HMBOX1: variants seen among roughly 807,000 people sequenced by gnomAD.
HMBOX1 encodes the protein homeobox-containing protein 1.
HMBOX1 carries 14 observed loss-of-function variants against 54.5 expected under a neutral mutation model. That is an observed-to-expected ratio of 0.26 (90% confidence interval 0.17 to 0.40). The LOEUF is 0.40. Among genes scored for constraint, HMBOX1 ranks in the 10% least tolerant of loss-of-function variants. The pLI is 1.00. For missense variants in HMBOX1, 332 were observed against 514.4 expected (o/e 0.65, Z 3.43); for synonymous variants, 160 against 181.0 (o/e 0.88, Z 0.93).
At chr8:28,924,450 A>AT (rs201997388) in intron 1 of HMBOX1, among the ~76,000 whole-genome samples, 2,280 of 127,850 alleles carry the variant, frequency 0.018, 28 homozygotes, top group African/African-American at 0.043. Context: ...AATTTATCTA[A>AT]TTTTTTTTTT....
chr8:28,956,856 AAAG>A (rs1824545625), intron 1 of HMBOX1, among the ~76,000 whole-genome samples: 1 of 152,238 alleles, frequency 6.6e-6, no homozygotes, highest in African/African-American at 2.4e-5. Flanking sequence ...ACACTTCTCA[AAAG>A]AAGACTTACA....
At chr8:28,922,099 T>C (rs1340427740) in intron 1 of HMBOX1, among the ~76,000 whole-genome samples, 5 of 152,244 alleles carry the variant, frequency 3.3e-5, no homozygotes, top group Admixed American at 1.3e-4. Context: ...CATGGATTTA[T>C]GCAGCTATGG....
intron 1 of HMBOX1, among the ~76,000 whole-genome samples, chr8:28,934,651 C>A (rs560829022): frequency 6.6e-6 from 1 of 152,128 alleles, no homozygotes; most frequent in Admixed American, 6.5e-5. Flanking sequence ...ATTGGCCGGG[C>A]GCGGTGGCTC....
At chr8:28,980,553 A>G (rs1394947444) in intron 4 of HMBOX1, among the ~76,000 whole-genome samples, 2 of 152,164 alleles carry the variant, frequency 1.3e-5, no homozygotes, top group Non-Finnish European at 2.9e-5. Flanking sequence ...CATGAGGGTA[A>G]AGAAAGTTGT....
intron 6 of HMBOX1, among the ~76,000 whole-genome samples, chr8:29,024,334 TCTTA>T (rs1185552569): frequency 2.0e-5 from 3 of 152,200 alleles, no homozygotes; most frequent in Non-Finnish European, 4.4e-5. Flanking sequence ...TTAGGAGCAT[TCTTA>T]CTTTGATTAT....
chr8:28,906,506 T>C (rs1380567746), intron 1 of HMBOX1, among the ~76,000 whole-genome samples: 1 of 152,332 alleles, frequency 6.6e-6, no homozygotes, highest in East Asian at 1.9e-4. Flanking sequence ...TTGTTTAATT[T>C]TATGTCCATT....
intron 1 of HMBOX1, among the ~76,000 whole-genome samples, chr8:28,893,112 T>G (rs1429765741): frequency 6.6e-6 from 1 of 152,232 alleles, no homozygotes; most frequent in Non-Finnish European, 1.5e-5. Context: ...CAAAGTTATT[T>G]ACTTGAAAAA....
chr8:28,914,351 T>C (rs1404049861), intron 1 of HMBOX1, among the ~76,000 whole-genome samples: 1 of 152,154 alleles, frequency 6.6e-6, no homozygotes, highest in East Asian at 1.9e-4. Flanking sequence ...AAATCTGTAT[T>C]TAGGAACTTA....
At chr8:28,962,194 T>A (rs995062644) in intron 1 of HMBOX1, among the ~76,000 whole-genome samples, 3 of 151,956 alleles carry the variant, frequency 2.0e-5, no homozygotes, top group African/African-American at 7.3e-5. Flanking sequence ...TTTATGAAAT[T>A]GAGAGAATTC....
intron 1 of HMBOX1, among the ~76,000 whole-genome samples, chr8:28,931,638 C>T (rs888679386): frequency 2.6e-5 from 4 of 152,076 alleles, no homozygotes; most frequent in Non-Finnish European, 5.9e-5. Context: ...ACCTCCCAGG[C>T]CCAAGTGATC....
chr8:28,924,255 C>T (rs1049127670), intron 1 of HMBOX1, among the ~76,000 whole-genome samples: 6 of 151,100 alleles, frequency 4.0e-5, no homozygotes, highest in South Asian at 2.1e-4. Context: ...TACAGGTGCC[C>T]GCCACCACGT....
At chr8:29,010,326 G>A (rs185785031) in intron 5 of HMBOX1, 46 of 214,686 alleles carry the variant, frequency 2.1e-4, no homozygotes, top group African/African-American at 8.7e-4. Context: ...TTGGGAGGCC[G>A]AAGTGGTCAG....
chr8:28,894,966 G>C (rs1811817210), intron 1 of HMBOX1, among the ~76,000 whole-genome samples: 1 of 150,480 alleles, frequency 6.6e-6, no homozygotes, highest in Non-Finnish European at 1.5e-5. Flanking sequence ...AGTAACAATA[G>C]TCTGATTTTA....
At chr8:29,025,822 G>A (rs1801930250) in intron 6 of HMBOX1, among the ~76,000 whole-genome samples, 1 of 152,034 alleles carries the variant, frequency 6.6e-6, no homozygotes, top group Admixed American at 6.6e-5. Flanking sequence ...ATTCATGACC[G>A]CTAACCTCAA....
At chr8:28,917,067 A>C (rs1312986475) in intron 1 of HMBOX1, among the ~76,000 whole-genome samples, 1 of 105,406 alleles carries the variant, frequency 9.5e-6, no homozygotes, top group East Asian at 3.1e-4. Flanking sequence ...ACCCTGTCTC[A>C]AAAAAAAAAA....
chr8:28,953,324 C>G (rs1823845322), intron 1 of HMBOX1, among the ~76,000 whole-genome samples: 1 of 152,152 alleles, frequency 6.6e-6, no homozygotes, highest in Non-Finnish European at 1.5e-5. Context: ...GTAGTAAGGC[C>G]TCATTTATTG....
intron 3 of HMBOX1, among the ~76,000 whole-genome samples, chr8:28,976,077 G>C (rs1828305198): frequency 6.6e-6 from 1 of 152,104 alleles, no homozygotes; most frequent in African/African-American, 2.4e-5. Context: ...TTAGTATTTT[G>C]AAAATACCTA....
At chr8:28,953,987 C>G (rs1352032914) in intron 1 of HMBOX1, among the ~76,000 whole-genome samples, 1 of 152,124 alleles carries the variant, frequency 6.6e-6, no homozygotes. Context: ...GTCAGTAGCA[C>G]TGAGAGTTTA....
intron 3 of HMBOX1, among the ~76,000 whole-genome samples, chr8:28,976,100 A>T (rs1828309745): frequency 6.6e-6 from 1 of 152,200 alleles, no homozygotes; most frequent in Admixed American, 6.5e-5. Context: ...GAAACCAACT[A>T]AATGACACAT....
Sources: gnomAD v4.1 joint callset for allele counts (sites outside exome capture counted in the v4.1 genomes callset) on GRCh38, gnomAD v4.1.1 for gene constraint, MANE v1.5 for transcripts, NCBI Gene and HGNC (gene_info 2026-07-23, HGNC 2026-07-21) for gene names.